The following TRIML2 variants were observed in gnomAD, a reference collection of about 807,000 sequenced individuals.
The protein encoded by TRIML2 is tripartite motif family like 2.
TRIML2 carries 28 observed loss-of-function variants against 31.2 expected under a neutral mutation model. That is an observed-to-expected ratio of 0.90 (90% CI 0.66 to 1.23). The LOEUF (loss-of-function observed/expected upper bound fraction) is 1.23, where lower values mean the gene tolerates loss of function less well. TRIML2 is among the 50% of genes most tolerant of loss of function. The probability of loss-of-function intolerance (pLI) is 0.00; values close to 1 mark genes in which losing one functional copy is unlikely to be tolerated. For synonymous variants in TRIML2, 187 were observed against 197.5 expected (o/e 0.95, Z 0.45); for missense variants, 536 against 528.3 (o/e 1.01, Z -0.14).
At chr4:188,099,941 ATACT>A (rs368273021) in intron 4 of TRIML2, among the ~76,000 whole-genome samples, 17,318 of 152,154 alleles carry the variant, frequency 0.11, 1,603 homozygotes, top group East Asian at 0.51. Flanking sequence ...TACTTTACAT[ATACT>A]GCGTAGTCAC....
At chr4:188,100,883 C>A (rs187755110) in intron 4 of TRIML2, among the ~76,000 whole-genome samples, 173 bp downstream of exon 4, 1 of 152,058 alleles carries the variant, frequency 6.6e-6, no homozygotes, top group East Asian at 1.9e-4. Flanking sequence ...TTATTTATGT[C>A]TTTTTATATG....
At chr4:188,098,148 C>A in intron 5 of TRIML2, 1 of 304,622 alleles carries the variant, frequency 3.3e-6, no homozygotes, top group Non-Finnish European at 6.8e-6. Context: ...AAAGGTAACC[C>A]ACTTTCTGAA....
intron 3 of TRIML2, among the ~76,000 whole-genome samples, chr4:188,101,815 A>C (rs1467385525): frequency 6.6e-6 from 1 of 151,946 alleles, no homozygotes; most frequent in Non-Finnish European, 1.5e-5. Flanking sequence ...TTTAGAACAT[A>C]AAATGCAGAC....
At chr4:188,095,570 A>G (rs1488401956) in intron 7 of TRIML2, among the ~76,000 whole-genome samples, 2 of 152,226 alleles carry the variant, frequency 1.3e-5, no homozygotes, top group African/African-American at 4.8e-5. Flanking sequence ...CTACCCATCT[A>G]TCGGGTCGGA....
intron 4 of TRIML2, among the ~76,000 whole-genome samples, chr4:188,100,550 G>A (rs903779410): frequency 1.7e-4 from 26 of 152,030 alleles, no homozygotes; most frequent in Non-Finnish European, 2.8e-4. Flanking sequence ...GTGAAACCCC[G>A]TCTCTACTAA....
At chr4:188,108,583 G>A (rs187203986) in intron 1 of TRIML2, among the ~76,000 whole-genome samples, 2 of 152,194 alleles carry the variant, frequency 1.3e-5, no homozygotes, top group East Asian at 3.9e-4. Flanking sequence ...TAATAACCCC[G>A]TCCTATACAA....
intron 7 of TRIML2, 35 bp downstream of exon 7, chr4:188,097,026 C>A: frequency 7.0e-7 from 1 of 1,420,848 alleles, no homozygotes; most frequent in Non-Finnish European, 9.9e-7. Context: ...AAATGCAGAA[C>A]AGTGCCCTGT....
rs141684909 is a variant in TRIML2, at chr4:188,091,846, C to G, written c.841G>C (p.Ala281Pro). Residue 281 changes from alanine (A) to proline (P), a missense_variant, in exon 8 of 8, where the codon GCT becomes CCT. Coordinates refer to ENST00000682553, the MANE Select transcript of TRIML2 (RefSeq NM_173553.4). ...MRLRHGQQDG[A>P]GNPERLDFSA... ...AAATCCAATCTTTCTGGGTTGCCAG[C>G]CCCATCCTGCTGCCCATGTCTCAAT... 207 of 1,614,052 alleles carry G rather than the reference C, an allele frequency of 1.3e-4. No homozygotes were observed. The highest frequency in any genetic ancestry group is 9.9e-4 in the Middle Eastern group (6 of 6,084).
chr4:188,102,740 C>T (rs1371447607), intron 3 of TRIML2, among the ~76,000 whole-genome samples: 1 of 150,854 alleles, frequency 6.6e-6, no homozygotes, highest in African/African-American at 2.4e-5. Context: ...TGTCAGCTAC[C>T]TGGGAGACTA....
In TRIML2 at chr4:188,091,516, G is replaced by C. The variant is rs1406983930; in HGVS notation, c.1171C>G (p.Leu391Val). The C allele has an allele frequency of 6.2e-7, 1 of 1,614,126 alleles. No individual in the cohort carries two copies. The highest frequency in any genetic ancestry group is 8.5e-7 in the Non-Finnish European group (1 of 1,180,044). ...GCGCAATGGGAGAAATTGTAAATGA[G>C]GGACATCTCGGTCACATTGTAGAAT... Reference protein sequence around the residue: ...ISFYNVTEMSLIYNFSHCAFQ... With the variant: ...ISFYNVTEMSVIYNFSHCAFQ... The change falls in exon 8 of 8, where the codon CTC becomes GTC. Residue 391 changes from leucine to valine, a missense_variant. Leu to Val is a conservative substitution (Grantham distance 32). Transcript: ENST00000682553.
rs149541825 is a variant in TRIML2 at position 188,094,543 on chromosome 4, T to C, written c.745+2518A>G. On this transcript the variant is annotated intron_variant, in intron 7 of 7. Transcript: ENST00000682553. ...ATTTTAAAATACCGTTTACAGTGGCTGTAAAAAACATAAAATACTTAGGGA... is the reference window on the plus strand; with the variant it reads ...ATTTTAAAATACCGTTTACAGTGGCCGTAAAAAACATAAAATACTTAGGGA... Among the ~76,000 whole-genome samples the C allele has an allele frequency of 5.5e-3, 833 of 152,320 alleles. 7 individuals are homozygous for C. Among genetic ancestry groups the C allele is most frequent in the African/African-American group, 0.019 (770 of 41,590 alleles).
intron 1 of TRIML2, among the ~76,000 whole-genome samples, chr4:188,107,841 T>C (rs1413268355): frequency 2.0e-5 from 3 of 152,128 alleles, no homozygotes; most frequent in Non-Finnish European, 4.4e-5. Flanking sequence ...TCCTGTAAAT[T>C]GTGTGAGTTG....
Position 188,105,384 on chromosome 4 carries a change from T to C in TRIML2, c.-16A>G, listed in dbSNP as rs1401982901. ...TTTTGGACATCCTGGTAGGGGTCCC[T>C]AGTTGAAGACTGGACTGTATGCTTC... On this transcript the variant is annotated 5_prime_UTR_variant, in exon 2 of 8. Transcript: ENST00000682553. 3 of 1,546,748 alleles carry C rather than the reference T, an allele frequency of 1.9e-6. No individual in the cohort carries two copies. The highest frequency in any genetic ancestry group is 1.8e-5 in the Admixed American group (1 of 54,512).
Position 188,091,659 on chromosome 4 carries a change from C to G in TRIML2, c.1028G>C (p.Gly343Ala), listed in dbSNP as rs374794826. The G allele has an allele frequency of 1.2e-6, 2 of 1,613,648 alleles. No individual in the cohort carries two copies. The highest frequency in any genetic ancestry group is 1.1e-5 in the South Asian group (1 of 91,062). The stretch of plus-strand genomic sequence containing the variant: ...AGTCCACTCGGTCCCCATCACCGAC[C>G]CCGTGAGCAAGACTTTCTCTCCGGA... ...RASGEKVLLT[G>A]SVMGTEWTLW... The change falls in exon 8 of 8, where the codon GGG becomes GCG. Residue 343 changes from glycine to alanine, a missense_variant. Coordinates refer to ENST00000682553, the MANE Select transcript of TRIML2 (RefSeq NM_173553.4).
chr4:188,091,506 T>C lies in TRIML2; in HGVS notation c.1181A>G (p.Asn394Ser), dbSNP rs148656432. 7.0e-4 allele frequency: 1,125 copies of C among 1,614,052 alleles called. 4 individuals are homozygous for C. Among genetic ancestry groups the C allele is most frequent in the Middle Eastern group, 3.0e-3 (18 of 6,062 alleles). The change falls in exon 8 of 8, where the codon AAT (asparagine) becomes AGT (serine). Residue 394 changes from asparagine to serine, a missense_variant. Physicochemically the swap from Asn to Ser is conservative, Grantham distance 46. Transcript: ENST00000682553. ...YNVTEMSLIY[N>S]FSHCAFQGAL... is the part of the protein sequence containing the mutation. ...TCCTTGGAAGGCGCAATGGGAGAAA[T>C]TGTAAATGAGGGACATCTCGGTCAC...
chr4:188,104,803 T>A, intron 3 of TRIML2, 34 bp downstream of exon 3: 1 of 1,509,176 alleles, frequency 6.6e-7, no homozygotes, highest in Non-Finnish European at 9.2e-7. Flanking sequence ...TACTGGTAAT[T>A]TCCCCCCAAG....
intron 7 of TRIML2, 136 bp from the exon 8 acceptor site, chr4:188,092,077 G>T: frequency 1.2e-6 from 1 of 853,004 alleles, no homozygotes; most frequent in Non-Finnish European, 1.8e-6. Flanking sequence ...CAATTTGGGA[G>T]GGTCCAGGAA....
intron 2 of TRIML2, 107 bp downstream of exon 2, chr4:188,105,073 A>T: frequency 7.0e-7 from 1 of 1,419,304 alleles, no homozygotes; most frequent in Middle Eastern, 1.8e-4. Context: ...AATATTCTGT[A>T]ATAAACATCA....
chr4:188,108,230 C>T (rs1056661813), intron 1 of TRIML2, among the ~76,000 whole-genome samples: 2 of 152,038 alleles, frequency 1.3e-5, no homozygotes, highest in Non-Finnish European at 2.9e-5. Context: ...TAATCTTACT[C>T]GTTTCTGAAG....
Sources: allele counts gnomAD v4.1 joint callset (sites outside exome capture counted in the v4.1 genomes callset), GRCh38; gene constraint gnomAD v4.1.1; transcripts MANE v1.5; gene names NCBI Gene and HGNC (gene_info 2026-07-23, HGNC 2026-07-21).